The following SPON1 variants were observed in gnomAD, a reference collection of about 807,000 sequenced individuals.
SPON1 encodes spondin-1.
In SPON1, 52 loss-of-function variants were observed where a neutral mutation model predicts 111.7. The ratio of observed to expected loss-of-function variants is 0.47; its 90% CI spans 0.37 to 0.59. The LOEUF (loss-of-function observed/expected upper bound fraction) is 0.59. Ranked by LOEUF, SPON1 falls within the 20% of genes least tolerant of loss-of-function variation. The pLI is 0.00. For synonymous variants in SPON1, 410 were observed against 395.8 expected (o/e 1.04, Z -0.43); for missense variants, 957 against 1,068.5 (o/e 0.90, Z 1.46).
chr11:14,124,858 A>C (rs1234798517), intron 5 of SPON1, among the ~76,000 whole-genome samples: 1 of 152,268 alleles, frequency 6.6e-6, no homozygotes, highest in Non-Finnish European at 1.5e-5. Flanking sequence ...GAAGAAATAG[A>C]AAATAATGTA....
chr11:13,974,769 A>G (rs1209467899), intron 1 of SPON1, among the ~76,000 whole-genome samples: 1 of 152,176 alleles, frequency 6.6e-6, no homozygotes, highest in Non-Finnish European at 1.5e-5. Flanking sequence ...CAAGCCCTTC[A>G]GTACTGCCTC....
At chr11:14,144,986 C>A (rs1847702001) in intron 6 of SPON1, among the ~76,000 whole-genome samples, 1 of 152,062 alleles carries the variant, frequency 6.6e-6, no homozygotes, top group Non-Finnish European at 1.5e-5. Flanking sequence ...GGCTTAATTC[C>A]ATGTAGTATG....
At position 14,259,465 on chromosome 11, in the gene SPON1, C is replaced by T. The variant is rs375528152; in HGVS notation, c.1663+15C>T. Reference sequence around the variant, plus strand: ...CGAGGAGTGCTGTGAGTGGGGGCCCCGGGCGGGCAGGCGGGCAAGTAGGTC... The same window carrying T: ...CGAGGAGTGCTGTGAGTGGGGGCCCTGGGCGGGCAGGCGGGCAAGTAGGTC... On this transcript the variant is annotated intron_variant, in intron 12 of 15. Transcript: ENST00000576479. This position sits in a 1 kb window ranked among gnomAD's most constrained non-coding sequence, Gnocchi z 5.0. The T allele has an allele frequency of 1.1e-4, 169 of 1,600,406 alleles. No individual in the cohort carries two copies. In the African/African-American group the frequency reaches 1.6e-3, roughly 15 times the overall value.
chr11:14,075,747 C>T (rs1554921383), intron 4 of SPON1, among the ~76,000 whole-genome samples: 2 of 152,072 alleles, frequency 1.3e-5, no homozygotes, highest in East Asian at 1.9e-4. Flanking sequence ...CAATTGTGTA[C>T]CTTTAAAAAG....
At chr11:13,991,663 T>C (rs1848231543) in intron 2 of SPON1, among the ~76,000 whole-genome samples, 1 of 152,214 alleles carries the variant, frequency 6.6e-6, no homozygotes, top group Non-Finnish European at 1.5e-5. Context: ...GGCATTCTGA[T>C]TTTTGGAATT....
chr11:14,144,668 A>G (rs1481667833), intron 6 of SPON1, among the ~76,000 whole-genome samples: 1 of 142,170 alleles, frequency 7.0e-6, no homozygotes, highest in African/African-American at 2.7e-5. Flanking sequence ...TAATAATAAT[A>G]ATGAAAAATA....
intron 2 of SPON1, among the ~76,000 whole-genome samples, chr11:14,010,787 A>G (rs781788492): frequency 5.9e-5 from 9 of 152,228 alleles, no homozygotes; most frequent in Admixed American, 3.3e-4. Flanking sequence ...TCCTAGGCCA[A>G]TGCTCTTTCC....
At chr11:13,999,254 G>A (rs1166455516) in intron 2 of SPON1, among the ~76,000 whole-genome samples, 1 of 152,090 alleles carries the variant, frequency 6.6e-6, no homozygotes. Flanking sequence ...ACTGTCGTGT[G>A]TAAGGCATGT....
At chr11:14,208,443 T>C (rs1848538601) in intron 6 of SPON1, among the ~76,000 whole-genome samples, 1 of 152,206 alleles carries the variant, frequency 6.6e-6, no homozygotes, top group Non-Finnish European at 1.5e-5. Flanking sequence ...TTTCAATATG[T>C]TTTTCTTTTC....
chr11:14,174,011 G>A (rs1247217946), intron 6 of SPON1, among the ~76,000 whole-genome samples: 1 of 152,172 alleles, frequency 6.6e-6, no homozygotes, highest in Non-Finnish European at 1.5e-5. Flanking sequence ...TTGGATTACT[G>A]GCTTCAGGGT....
chr11:13,964,065 A>G (rs1847996597), intron 1 of SPON1, among the ~76,000 whole-genome samples: 2 of 152,170 alleles, frequency 1.3e-5, no homozygotes. Context: ...CGGGACAGGC[A>G]GTTCGACCAG....
chr11:14,259,850 G>A lies in SPON1; in HGVS notation c.1831+149G>A. On this transcript the variant is annotated intron_variant, in intron 13 of 15. Coordinates refer to ENST00000576479, the MANE Select transcript of SPON1 (RefSeq NM_006108.4). The surrounding 1 kb of genome is among the most constrained non-coding windows in gnomAD (Gnocchi z 5.0). ...TGCTGGGCACTGCTGGGAGCCAGATGAGAGACATAGGTGTGTAGACATCAA... is the reference window on the plus strand; with the variant it reads ...TGCTGGGCACTGCTGGGAGCCAGATAAGAGACATAGGTGTGTAGACATCAA... 9.3e-6 allele frequency: 8 copies of A among 856,244 alleles called. No homozygotes were observed. Among genetic ancestry groups the A allele is most frequent in the Middle Eastern group, 3.6e-4 (1 of 2,790 alleles). 53.0% of individuals were successfully genotyped at this position (856,244 alleles called of 1,614,324 possible). A position where few individuals can be genotyped will look rare whatever the true frequency, so the allele number is the denominator to read the frequency against.
chr11:14,168,382 A>G (rs1461256884), intron 6 of SPON1, among the ~76,000 whole-genome samples: 2 of 152,234 alleles, frequency 1.3e-5, no homozygotes, highest in South Asian at 4.1e-4. Context: ...TTTTTCTGAC[A>G]AAATGTTTGA....
intron 3 of SPON1, among the ~76,000 whole-genome samples, chr11:14,052,376 AG>A (rs1462206852): frequency 5.9e-5 from 9 of 152,344 alleles, no homozygotes; most frequent in African/African-American, 2.2e-4. Context: ...GGAAAATGGC[AG>A]GGTTAGGAGG....
At chr11:14,173,826 G>A (rs1397375111) in intron 6 of SPON1, among the ~76,000 whole-genome samples, 7 of 152,134 alleles carry the variant, frequency 4.6e-5, no homozygotes, top group Non-Finnish European at 2.9e-5. Flanking sequence ...AACCGCAAAC[G>A]TTTCTGCCTG....
At chr11:14,188,783 C>T (rs184012891) in intron 6 of SPON1, among the ~76,000 whole-genome samples, 54 of 152,286 alleles carry the variant, frequency 3.5e-4, no homozygotes, top group Middle Eastern at 3.4e-3. Flanking sequence ...GTCTTCTCAT[C>T]TGTAAAATGG....
rs577242015 is a variant in SPON1 at position 14,155,948 on chromosome 11, C to T, written c.825+20380C>T. Among the ~76,000 whole-genome samples, 120 of 132,178 alleles carry T rather than the reference C, an allele frequency of 9.1e-4. 4 individuals are homozygous for T. Among genetic ancestry groups the T allele is most frequent in the African/African-American group, 2.9e-3 (109 of 37,102 alleles). The allele number at this position is 132,178 out of a possible 152,430, so 86.7% of individuals were successfully genotyped here. On this transcript the variant is annotated intron_variant, in intron 6 of 15. Transcript: ENST00000576479. ...AAGTCTTTGCTATTGTGAATAGTGC[C>T]GCAATAAACATACATGTGCATGTGT...
chr11:14,007,990 A>G (rs1848376115), intron 2 of SPON1, among the ~76,000 whole-genome samples: 1 of 152,134 alleles, frequency 6.6e-6, no homozygotes, highest in Admixed American at 6.5e-5. Context: ...TCCTCTCAAG[A>G]TCCTTAAATA....
intron 10 of SPON1, among the ~76,000 whole-genome samples, chr11:14,257,315 G>A (rs1849120098): frequency 6.6e-6 from 1 of 152,202 alleles, no homozygotes; most frequent in Non-Finnish European, 1.5e-5. Flanking sequence ...AATAGCAGCT[G>A]CTCTTATTCT....
Sources: gnomAD v4.1 joint callset for allele counts (sites outside exome capture counted in the v4.1 genomes callset) on GRCh38, gnomAD v4.1.1 for gene constraint, Gnocchi (gnomAD v3.1) non-coding constraint, MANE v1.5 for transcripts, NCBI Gene and HGNC (gene_info 2026-07-23, HGNC 2026-07-21) for gene names.